LURAP1L: variants seen among roughly 807,000 people sequenced by gnomAD.
LURAP1L encodes the protein leucine rich adaptor protein 1-like.
Under a neutral mutation model 13.8 loss-of-function variants are expected in LURAP1L, and 12 were observed. That is an observed-to-expected ratio of 0.87 (90% CI 0.56 to 1.41). The LOEUF (loss-of-function observed/expected upper bound fraction) is 1.41, where lower values mean the gene tolerates loss of function less well. LURAP1L is among the 40% of genes most tolerant of loss of function. The pLI is 0.00. For missense variants in LURAP1L, 375 were observed against 292.9 expected (o/e 1.28, Z -2.04); for synonymous variants, 139 against 119.2 (o/e 1.17, Z -1.08).
At chr9:12,779,227 A>G (rs1205650505) in intron 1 of LURAP1L, among the ~76,000 whole-genome samples, 1 of 151,618 alleles carries the variant, frequency 6.6e-6, no homozygotes, top group Non-Finnish European at 1.5e-5. Context: ...GGTGCTAGTT[A>G]AACATTTTAT....
intron 1 of LURAP1L, among the ~76,000 whole-genome samples, chr9:12,794,473 T>C (rs1389487036): frequency 6.6e-6 from 1 of 152,046 alleles, no homozygotes; most frequent in Non-Finnish European, 1.5e-5. Context: ...TTGGAGTTAC[T>C]CAAGTGCATT....
At chr9:12,776,776 T>C (rs1466439787) in intron 1 of LURAP1L, among the ~76,000 whole-genome samples, 2 of 152,170 alleles carry the variant, frequency 1.3e-5, no homozygotes, top group South Asian at 2.1e-4. Context: ...CCCTGCTGTT[T>C]GCAAACGTTT....
intron 1 of LURAP1L, among the ~76,000 whole-genome samples, chr9:12,816,773 G>C (rs905399055): frequency 6.6e-6 from 1 of 152,184 alleles, no homozygotes; most frequent in Non-Finnish European, 1.5e-5. Flanking sequence ...CCTGAAGCCT[G>C]AGAGACTAAG....
intron 1 of LURAP1L, among the ~76,000 whole-genome samples, chr9:12,798,743 A>G (rs1484765814): frequency 6.6e-6 from 1 of 152,228 alleles, no homozygotes; most frequent in Non-Finnish European, 1.5e-5. Flanking sequence ...ACAGGACAAT[A>G]GGAATAGAAA....
At chr9:12,816,938 T>C (rs1415271919) in intron 1 of LURAP1L, among the ~76,000 whole-genome samples, 2 of 152,204 alleles carry the variant, frequency 1.3e-5, no homozygotes. Context: ...GTACATGTCC[T>C]GGTTGTTTGT....
rs1474140521 is a variant in LURAP1L, at chr9:12,775,938, T to G, written c.223T>G (p.Ser75Ala). 2 of 1,581,960 alleles carry G rather than the reference T, an allele frequency of 1.3e-6. No individual in the cohort carries two copies. The highest frequency in any genetic ancestry group is 4.7e-5 in the East Asian group (2 of 42,822). ...TCCCTCCTTGTCGTCCTCCTCTTCG[T>G]CCTCCCCAACCTCTGGCTCCCCACG... ...FPPSLSSSSS[S>A]SPTSGSPRGS... The change falls in exon 1 of 2, where the codon TCC becomes GCC. Residue 75 changes from serine (S) to alanine (A), a missense_variant. Ser to Ala is a moderately conservative substitution (Grantham distance 99, BLOSUM62 1). Coordinates refer to ENST00000319264, the MANE Select transcript of LURAP1L (RefSeq NM_203403.2).
chr9:12,777,108 T>C, intron 1 of LURAP1L: 1 of 410,254 alleles, frequency 2.4e-6, no homozygotes, highest in South Asian at 1.0e-4. Flanking sequence ...AGGAGATTTC[T>C]ATCACTCCGA....
In LURAP1L at chr9:12,775,815, G is replaced by A. The variant is rs1819165410; in HGVS notation, c.100G>A (p.Val34Ile). 1.9e-6 allele frequency: 3 copies of A among 1,606,442 alleles called. No homozygotes were observed. Among genetic ancestry groups the A allele is most frequent in the African/African-American group, 2.7e-5 (2 of 74,480 alleles). ...LVRSLRGEEPVPRERDRDPCG... is the reference protein window; with the variant it reads ...LVRSLRGEEPIPRERDRDPCG... ...GCGCTCTCTCCGTGGGGAGGAGCCG[G>A]TTCCCAGGGAAAGGGACAGGGACCC... Residue 34 changes from valine (V) to isoleucine (I), a missense_variant, in exon 1 of 2, where the codon GTT becomes ATT. Physicochemically the swap from Val to Ile is conservative, Grantham distance 29. Coordinates refer to ENST00000319264, the MANE Select transcript of LURAP1L (RefSeq NM_203403.2).
At chr9:12,799,886 A>T (rs1316630728) in intron 1 of LURAP1L, among the ~76,000 whole-genome samples, 1 of 152,042 alleles carries the variant, frequency 6.6e-6, no homozygotes, top group African/African-American at 2.4e-5. Context: ...AAAAAAAAAA[A>T]AAAAAGCCAT....
intron 1 of LURAP1L, among the ~76,000 whole-genome samples, chr9:12,791,466 A>C (rs1406396585): frequency 1.3e-5 from 2 of 152,034 alleles, no homozygotes; most frequent in Non-Finnish European, 2.9e-5. Context: ...TTTTTTATTT[A>C]TATCATCCAG....
At chr9:12,818,137 A>C (rs1170643964) in intron 1 of LURAP1L, among the ~76,000 whole-genome samples, 1 of 152,092 alleles carries the variant, frequency 6.6e-6, no homozygotes, top group Admixed American at 6.6e-5. Context: ...CACTAAAAAA[A>C]AAAAAAAAAA....
intron 1 of LURAP1L, among the ~76,000 whole-genome samples, chr9:12,799,263 A>T (rs186009185): frequency 6.6e-6 from 1 of 152,252 alleles, no homozygotes; most frequent in East Asian, 1.9e-4. Flanking sequence ...TAGCACTAGA[A>T]ATCTCTGATT....
intron 1 of LURAP1L, among the ~76,000 whole-genome samples, chr9:12,784,956 T>C (rs1819329000): frequency 6.6e-6 from 1 of 151,846 alleles, no homozygotes; most frequent in Non-Finnish European, 1.5e-5. Flanking sequence ...CTCTCCTCTC[T>C]TATTTCCTCA....
intron 1 of LURAP1L, among the ~76,000 whole-genome samples, chr9:12,804,291 A>C (rs1819626017): frequency 1.3e-5 from 2 of 151,072 alleles, no homozygotes; most frequent in South Asian, 4.2e-4. Flanking sequence ...CCCCATCTAC[A>C]TTTGCATCAG....
At chr9:12,785,354 G>A (rs1819335231) in intron 1 of LURAP1L, among the ~76,000 whole-genome samples, 2 of 152,054 alleles carry the variant, frequency 1.3e-5, no homozygotes, top group Non-Finnish European at 2.9e-5. Context: ...CACTCCCTCG[G>A]CTGGCCCAGC....
intron 1 of LURAP1L, among the ~76,000 whole-genome samples, chr9:12,817,843 G>A (rs557181236): frequency 1.2e-4 from 18 of 152,266 alleles, no homozygotes; most frequent in Admixed American, 4.6e-4. Flanking sequence ...AAGGGTCATC[G>A]GTAGCATAAC....
At chr9:12,813,852 T>C (rs1019897419) in intron 1 of LURAP1L, among the ~76,000 whole-genome samples, 1 of 152,172 alleles carries the variant, frequency 6.6e-6, no homozygotes, top group Non-Finnish European at 1.5e-5. Context: ...CAATAACAAT[T>C]ATTGAGGAAT....
intron 1 of LURAP1L, among the ~76,000 whole-genome samples, chr9:12,789,216 A>G (rs529322367): frequency 6.6e-6 from 1 of 152,190 alleles, no homozygotes; most frequent in Non-Finnish European, 1.5e-5. Context: ...TTTTCTAGAG[A>G]TGTGCTTTTA....
intron 1 of LURAP1L, among the ~76,000 whole-genome samples, chr9:12,815,067 C>A (rs1819785790): frequency 6.6e-6 from 1 of 152,134 alleles, no homozygotes; most frequent in African/African-American, 2.4e-5. Context: ...TGTACAGTGT[C>A]TTCTCAGGCT....
Sources: allele counts gnomAD v4.1 joint callset (sites outside exome capture counted in the v4.1 genomes callset), GRCh38; gene constraint gnomAD v4.1.1; transcripts MANE v1.5; gene names NCBI Gene and HGNC (gene_info 2026-07-23, HGNC 2026-07-21).